Variants in ACACB observed in about 807,000 individuals in gnomAD.
The protein encoded by ACACB is acetyl-CoA carboxylase beta.
In ACACB, 209 loss-of-function variants were observed where a neutral mutation model predicts 278.8. The observed-to-expected ratio is 0.75, with a 90% CI of 0.67 to 0.84. The LOEUF (loss-of-function observed/expected upper bound fraction) is 0.84, where lower values mean the gene tolerates loss of function less well. Ranked by LOEUF, ACACB falls within the 40% of genes least tolerant of loss-of-function variation. The pLI is 0.00. For synonymous variants in ACACB, 1,174 were observed against 1,285.6 expected (o/e 0.91, Z 1.86); for missense variants, 2,850 against 3,269.0 (o/e 0.87, Z 3.13).
At chr12:109,166,810 G>A in intron 2 of ACACB, 51 bp from the exon 3 acceptor site, 1 of 1,612,966 alleles carries the variant, frequency 6.2e-7, no homozygotes, top group Non-Finnish European at 8.5e-7. Context: ...CGAGCTCTGA[G>A]TCCCAGGCTT....
chr12:109,240,556 G>A (rs1394137258), intron 35 of ACACB, among the ~76,000 whole-genome samples: 1 of 146,890 alleles, frequency 6.8e-6, no homozygotes, highest in Non-Finnish European at 1.5e-5. Flanking sequence ...TATTAATATC[G>A]ATATATTAAT....
chr12:109,127,053 C>G (rs903480803), intron 1 of ACACB, among the ~76,000 whole-genome samples: 3 of 152,206 alleles, frequency 2.0e-5, no homozygotes, highest in Non-Finnish European at 1.5e-5. Flanking sequence ...CCCAGATGCT[C>G]TGACATGTTG....
At chr12:109,195,671 G>A (rs917510535) in intron 16 of ACACB, among the ~76,000 whole-genome samples, 3 of 152,052 alleles carry the variant, frequency 2.0e-5, no homozygotes, top group Non-Finnish European at 4.4e-5. Flanking sequence ...TGGTGCAAAT[G>A]CAGTTTTACA....
rs1433376914 is a variant in ACACB, at chr12:109,176,022, C to T, written c.1308C>T (p.Asp436=). ...EDVYDKGCVK[D]VDEGLEAAER... ...TTTATGACAAGGGTTGCGTGAAAGA[C>T]GTAGATGAGGGCTTGGAGGTAAATG... Residue 436 remains aspartate, a synonymous_variant, in exon 8 of 53, where the codon GAC becomes GAT. Transcript: ENST00000338432. 8.1e-6 allele frequency: 13 copies of T among 1,614,010 alleles called. No homozygotes were observed. Among genetic ancestry groups the T allele is most frequent in the African/African-American group, 4.0e-5 (3 of 74,916 alleles).
chr12:109,252,139 G>A lies in ACACB; in HGVS notation c.5884G>A (p.Ala1962Thr), dbSNP rs2047112392. 6.2e-7 allele frequency: 1 copy of A among 1,611,942 alleles called. No homozygotes were observed. Residue 1962 changes from alanine to threonine, a missense_variant, in exon 42 of 53, where the codon GCA becomes ACA. By Grantham distance (58) the Ala-to-Thr change is moderately conservative. Around this residue, in one of 3 missense-constraint regions of ACACB, gnomAD observed 579 missense variants for 684.6 expected, o/e 0.85. Transcript: ENST00000338432. ...VENSHIILTG[A>T]SALNKVLGRE... is the part of the protein sequence containing the mutation. The stretch of plus-strand genomic sequence containing the variant: ...GAATTCCCACATCATCCTCACAGGA[G>A]CAAGTGCTCTCAACAAGGTGACCAA...
At chr12:109,161,147 C>T (rs2043710130) in intron 2 of ACACB, among the ~76,000 whole-genome samples, 1 of 152,196 alleles carries the variant, frequency 6.6e-6, no homozygotes, top group South Asian at 2.1e-4. Context: ...GTCTCTCCAG[C>T]AATCCCACTA....
Position 109,237,192 on chromosome 12 carries a change from T to C in ACACB, c.4474T>C (p.Leu1492=). Residue 1492 remains leucine (L), a synonymous_variant, in exon 34 of 53, where the codon TTG becomes CTG. Coordinates refer to ENST00000338432, the MANE Select transcript of ACACB (RefSeq NM_001093.4). ...TGCAGAAGATCGCATTTACCGTCAC[T>C]TGGAACCTGCCCTGGCCTTCCAGCT... ...EFAEDRIYRH[L]EPALAFQLEL... is the part of the protein sequence containing the mutation. 6.2e-7 allele frequency: 1 copy of C among 1,614,156 alleles called. No homozygotes were observed. The highest frequency in any genetic ancestry group is 8.5e-7 in the Non-Finnish European group (1 of 1,180,026).
chr12:109,170,918 C>A (rs2044091461), intron 4 of ACACB, among the ~76,000 whole-genome samples: 1 of 151,876 alleles, frequency 6.6e-6, no homozygotes, highest in Non-Finnish European at 1.5e-5. Flanking sequence ...CTCATTGTAG[C>A]CTCGACCTTC....
chr12:109,127,082 A>G (rs2042698945), intron 1 of ACACB, among the ~76,000 whole-genome samples: 1 of 152,042 alleles, frequency 6.6e-6, no homozygotes, highest in African/African-American at 2.4e-5. Flanking sequence ...AAAACTGCTG[A>G]CCCTCTTTTG....
intron 48 of ACACB, 99 bp from the exon 49 acceptor site, chr12:109,262,258 T>G: frequency 1.1e-6 from 1 of 877,186 alleles, no homozygotes. Flanking sequence ...GACACCCAGA[T>G]CTTCTGGCTC....
intron 19 of ACACB, among the ~76,000 whole-genome samples, chr12:109,204,857 C>CT (rs1027507854): frequency 4.6e-5 from 7 of 151,848 alleles, no homozygotes; most frequent in South Asian, 2.1e-4. Flanking sequence ...CTCTTTCTCT[C>CT]TTTTTTTGAG....
At chr12:109,133,654 A>G (rs1020648417) in intron 1 of ACACB, among the ~76,000 whole-genome samples, 1 of 151,908 alleles carries the variant, frequency 6.6e-6, no homozygotes, top group Non-Finnish European at 1.5e-5. Context: ...GCACACATTT[A>G]AAATTTGCCT....
At chr12:109,167,213 G>A (rs1045844641) in intron 3 of ACACB, 11 of 581,472 alleles carry the variant, frequency 1.9e-5, no homozygotes, top group Non-Finnish European at 3.3e-5. Context: ...AAATAAGACA[G>A]GTAAAACACA....
intron 24 of ACACB, among the ~76,000 whole-genome samples, chr12:109,220,570 G>A (rs1335884622): frequency 1.3e-5 from 2 of 152,088 alleles, no homozygotes; most frequent in South Asian, 2.1e-4. Context: ...GTTTGTTTTC[G>A]AGACAGAGTC....
In ACACB at chr12:109,260,524, G is replaced by A. The variant is rs530383151; in HGVS notation, c.6541G>A (p.Gly2181Ser). ...GAAGTTTGGAGCCTACATCGTGGAC[G>A]GCCTTAGACAATACAAACAGCCCAT... Reference protein sequence around the residue: ...VLKFGAYIVDGLRQYKQPILI... With the variant: ...VLKFGAYIVDSLRQYKQPILI... The change falls in exon 48 of 53, where the codon GGC becomes AGC. Residue 2181 changes from glycine (G) to serine (S), a missense_variant. Coordinates refer to ENST00000338432, the MANE Select transcript of ACACB (RefSeq NM_001093.4). 1.4e-5 allele frequency: 23 copies of A among 1,614,194 alleles called. No homozygotes were observed. Among genetic ancestry groups the A allele is most frequent in the South Asian group, 4.4e-5 (4 of 91,082 alleles).
chr12:109,210,185 A>C (rs1348445097), intron 21 of ACACB, among the ~76,000 whole-genome samples: 1 of 55,856 alleles, frequency 1.8e-5, no homozygotes, highest in Non-Finnish European at 3.2e-5. Context: ...GTATATATAC[A>C]CACGTGTGTA....
intron 27 of ACACB, among the ~76,000 whole-genome samples, chr12:109,227,091 C>T (rs920282740): frequency 7.2e-5 from 11 of 152,120 alleles, no homozygotes; most frequent in Non-Finnish European, 1.0e-4. Context: ...GCTGGGACTA[C>T]AGGCGCCTGC....
chr12:109,181,928 T>C lies in ACACB; in HGVS notation c.1818+1841T>C, dbSNP rs559683575. On this transcript the variant is annotated intron_variant, in intron 11 of 52. Transcript: ENST00000338432. The stretch of plus-strand genomic sequence containing the variant: ...GGTGCGATCTTGGCTCACAGCAACC[T>C]CTGCCTCACGGTTCGAACAATTCTC... 2.4e-5 allele frequency among the ~76,000 whole-genome samples: 3 copies of C among 125,080 alleles called. No individual in the cohort carries two copies. In the East Asian group the frequency reaches 8.4e-4, roughly 35 times the overall value. The allele number at this position is 125,080 out of a possible 152,430, so 82.1% of individuals were successfully genotyped here. A position where few individuals can be genotyped will look rare whatever the true frequency, so the allele number is the denominator to read the frequency against.
intron 12 of ACACB, among the ~76,000 whole-genome samples, chr12:109,187,012 G>A (rs1158738116): frequency 6.6e-6 from 1 of 152,024 alleles, no homozygotes; most frequent in East Asian, 1.9e-4. Context: ...TTCTCCCAGA[G>A]GGAATCAGGT....
Sources: gnomAD v4.1 joint callset for allele counts (sites outside exome capture counted in the v4.1 genomes callset) on GRCh38, gnomAD v4.1.1 for gene constraint, gnomAD v4.1.1 regional missense constraint, MANE v1.5 for transcripts, NCBI Gene and HGNC (gene_info 2026-07-23, HGNC 2026-07-21) for gene names.